The following ITFG2 variants were observed in gnomAD, a reference collection of about 807,000 sequenced individuals.
ITFG2 encodes the protein integrin alpha FG-GAP repeat containing 2.
In ITFG2, 36 loss-of-function variants were observed where a neutral mutation model predicts 54.4. The ratio of observed to expected loss-of-function variants is 0.66; its 90% CI spans 0.51 to 0.87. The LOEUF is 0.87. ITFG2 is among the 40% of genes least tolerant of loss of function. The pLI is 0.00. For missense variants in ITFG2, 524 were observed against 576.7 expected (o/e 0.91, Z 0.94); for synonymous variants, 211 against 225.4 (o/e 0.94, Z 0.57).
intron 9 of ITFG2, 90 bp downstream of exon 9, chr12:2,821,882 A>G (rs2097946127): frequency 1.1e-6 from 1 of 934,186 alleles, no homozygotes; most frequent in Non-Finnish European, 1.7e-6. Context: ...CTCACATCCC[A>G]GGGAACTCCC....
At chr12:2,830,984 G>A, downstream of ITFG2, 3 of 950,574 alleles carry the variant, frequency 3.2e-6, no homozygotes, top group Non-Finnish European at 4.4e-6. Flanking sequence ...CCTTACCCTA[G>A]GAGTTTACCC....
chr12:2,832,658 T>C (rs1476250097), upstream of ITFG2, among the ~76,000 whole-genome samples: 2 of 151,174 alleles, frequency 1.3e-5, no homozygotes, highest in African/African-American at 4.9e-5. Flanking sequence ...TTCTCACAAA[T>C]GTTATGTATG....
At chr12:2,837,167 A>T (rs570749336) in intron 1 of ITFG2, among the ~76,000 whole-genome samples, 7 of 152,096 alleles carry the variant, frequency 4.6e-5, no homozygotes, top group Non-Finnish European at 8.8e-5. Context: ...CGCTGTCTCC[A>T]CTAAAAATGC....
intron 3 of ITFG2, chr12:2,859,109 G>T: frequency 6.2e-7 from 1 of 1,605,978 alleles, no homozygotes; most frequent in Non-Finnish European, 8.5e-7. Context: ...TGGAGGAGAT[G>T]GGCAGCGTTT....
chr12:2,827,817 C>T (rs2097976253), downstream of ITFG2: 2 of 1,603,150 alleles, frequency 1.2e-6, no homozygotes, highest in South Asian at 1.1e-5. This position sits in a 1 kb window ranked among gnomAD's most constrained non-coding sequence, Gnocchi z 4.0. Flanking sequence ...ATAGTCAGAA[C>T]ATCTCTGGGA....
intron 2 of ITFG2, chr12:2,849,464 G>T: frequency 2.0e-6 from 3 of 1,536,182 alleles, no homozygotes; most frequent in Non-Finnish European, 2.6e-6. Context: ...TTGGGAAACG[G>T]GTTGGGCATG....
At position 2,821,257 on chromosome 12, in the gene ITFG2, C is replaced by T. The variant is rs1259355514; in HGVS notation, c.696-5C>T. ...CCGCTTGATCCGTCCACCTGCTGTG[C>T]ACAGGGAGACCCCAGCTGCCCGAGA... On this transcript the variant is annotated splice_polypyrimidine_tract_variant and splice_region_variant and intron_variant, in intron 6 of 11. Coordinates refer to ENST00000228799, the MANE Select transcript of ITFG2 (RefSeq NM_018463.4). The T allele has an allele frequency of 6.2e-7, 1 of 1,601,626 alleles. No homozygotes were observed. Among genetic ancestry groups the T allele is most frequent in the Admixed American group, 1.7e-5 (1 of 58,652 alleles).
At chr12:2,856,894 G>A (rs2098089035) in intron 2 of ITFG2, 1 of 702,600 alleles carries the variant, frequency 1.4e-6, no homozygotes, top group African/African-American at 1.7e-5. Context: ...CCACTATAAG[G>A]GACAGCCTGT....
At chr12:2,836,503 C>T (rs376927785), upstream of ITFG2, among the ~76,000 whole-genome samples, 15 of 152,302 alleles carry the variant, frequency 9.8e-5, no homozygotes, top group East Asian at 1.4e-3. Flanking sequence ...GGAACCAAGC[C>T]TCTTTGAGAC....
chr12:2,827,768 C>T (rs1248967733), downstream of ITFG2: 13 of 1,609,088 alleles, frequency 8.1e-6, no homozygotes, highest in Middle Eastern at 2.1e-4. This position sits in a 1 kb window ranked among gnomAD's most constrained non-coding sequence, Gnocchi z 4.0. Context: ...TCTGCCCACC[C>T]CATCCCCAGA....
chr12:2,827,328 T>G, downstream of ITFG2: 1 of 1,600,076 alleles, frequency 6.2e-7, no homozygotes, highest in Non-Finnish European at 8.5e-7. This position sits in a 1 kb window ranked among gnomAD's most constrained non-coding sequence, Gnocchi z 4.0. Flanking sequence ...TCATGCCAGG[T>G]CACCTCAGCC....
At chr12:2,842,902 T>TGCC (rs1351487419) in intron 2 of ITFG2, among the ~76,000 whole-genome samples, 1 of 152,174 alleles carries the variant, frequency 6.6e-6, no homozygotes, top group African/African-American at 2.4e-5. Context: ...TCAAAGTTCA[T>TGCC]GCCCTCTTAT....
At chr12:2,835,004 C>G (rs776757299), upstream of ITFG2, 3 of 1,533,526 alleles carry the variant, frequency 2.0e-6, no homozygotes, top group East Asian at 4.5e-5. Flanking sequence ...CCGCGTCAGT[C>G]TCCAATTTCC....
At chr12:2,827,499 A>G, downstream of ITFG2, 2 of 1,558,482 alleles carry the variant, frequency 1.3e-6, no homozygotes, top group Non-Finnish European at 1.7e-6. This position sits in a 1 kb window ranked among gnomAD's most constrained non-coding sequence, Gnocchi z 4.0. Flanking sequence ...AGGAACCTCT[A>G]AGGAAGCAAA....
intron 1 of ITFG2, 144 bp from the exon 2 acceptor site, chr12:2,817,079 A>G (rs1011400997): frequency 1.7e-5 from 10 of 596,130 alleles, no homozygotes; most frequent in Non-Finnish European, 3.1e-5. Context: ...AGTGTGAGTC[A>G]TTGCACCTGG....
chr12:2,854,495 G>A (rs925345911), intron 2 of ITFG2, among the ~76,000 whole-genome samples: 2 of 152,302 alleles, frequency 1.3e-5, no homozygotes, highest in East Asian at 3.9e-4. Flanking sequence ...AGGCCTTCGG[G>A]CTACAGCTTT....
In ITFG2 at chr12:2,821,318, A is replaced by G. The variant is rs2097943504; in HGVS notation, c.752A>G (p.Asn251Ser). 2 of 1,610,236 alleles carry G rather than the reference A, an allele frequency of 1.2e-6. No homozygotes were observed. Among genetic ancestry groups the G allele is most frequent in the Non-Finnish European group, 8.5e-7 (1 of 1,178,234 alleles). ...CACCAGACATCTGGCCGTATCCACA[A>G]CAAGAATGTCTCCACTCACCTAATT... is the stretch of plus-strand genomic sequence containing the variant. Reference protein sequence around the residue: ...VLHQTSGRIHNKNVSTHLIGN... With the variant: ...VLHQTSGRIHSKNVSTHLIGN... The change falls in exon 7 of 12, where the codon AAC becomes AGC. Residue 251 changes from asparagine to serine, a missense_variant. Coordinates refer to ENST00000228799, the MANE Select transcript of ITFG2 (RefSeq NM_018463.4).
At chr12:2,839,121 G>T (rs150095322) in intron 1 of ITFG2, among the ~76,000 whole-genome samples, 85 of 152,184 alleles carry the variant, frequency 5.6e-4, no homozygotes, top group African/African-American at 2.0e-3. Flanking sequence ...GTGAAACGCT[G>T]TCTCTACTAA....
chr12:2,828,256 A>G (rs777100354), downstream of ITFG2: 121 of 1,324,564 alleles, frequency 9.1e-5, no homozygotes, highest in Non-Finnish European at 1.3e-4. Flanking sequence ...TGTCGTCACT[A>G]TCTAATTTGA....
Sources: gnomAD v4.1 joint callset for allele counts (sites outside exome capture counted in the v4.1 genomes callset) on GRCh38, gnomAD v4.1.1 for gene constraint, Gnocchi (gnomAD v3.1) non-coding constraint, MANE v1.5 for transcripts, NCBI Gene and HGNC (gene_info 2026-07-23, HGNC 2026-07-21) for gene names.